TAS1R1: variants seen among roughly 807,000 people sequenced by gnomAD.
The protein encoded by TAS1R1 is taste 1 receptor member 1.
In TAS1R1, 31 loss-of-function variants were observed where a neutral mutation model predicts 45.8. The observed-to-expected ratio is 0.68, with a 90% CI of 0.51 to 0.91. The LOEUF (loss-of-function observed/expected upper bound fraction) is 0.91, where lower values mean the gene tolerates loss of function less well. Ranked by LOEUF, TAS1R1 falls within the 40% of genes least tolerant of loss-of-function variation. The pLI is 0.00. For missense variants in TAS1R1, 1,051 were observed against 1,063.9 expected (o/e 0.99, Z 0.17); for synonymous variants, 437 against 448.4 (o/e 0.97, Z 0.32).
rs111424878 is a variant in TAS1R1, at chr1:6,574,269, G to A, written c.499-362G>A. Among the ~76,000 whole-genome samples, 521 of 152,282 alleles carry A rather than the reference G, an allele frequency of 3.4e-3. 3 individuals are homozygous for A. The highest frequency in any genetic ancestry group is 0.012 in the African/African-American group (494 of 41,550). On this transcript the variant is annotated intron_variant, in intron 2 of 5. Coordinates refer to ENST00000333172, the MANE Select transcript of TAS1R1 (RefSeq NM_138697.4). This position sits in a 1 kb window ranked among gnomAD's most constrained non-coding sequence, Gnocchi z 4.3. The stretch of plus-strand genomic sequence containing the variant: ...CTGCTCACCTCCTCCTGTGAGGCCC[G>A]GTTCCTAACAGGCCACTGACCTAAC...
At chr1:6,568,466 A>G (rs911546539) in intron 1 of TAS1R1, among the ~76,000 whole-genome samples, 26 of 151,666 alleles carry the variant, frequency 1.7e-4, no homozygotes, top group African/African-American at 6.3e-4. Context: ...AAAAAGAAAA[A>G]AAAAAAAAAA....
At chr1:6,571,254 G>A in intron 2 of TAS1R1, 39 bp downstream of exon 2, 1 of 1,524,122 alleles carries the variant, frequency 6.6e-7, no homozygotes, top group Non-Finnish European at 8.8e-7. Context: ...TCTCCCTTCA[G>A]GCAAGTCTGG....
At position 6,576,859 on chromosome 1, in the gene TAS1R1, G is replaced by C. The variant is rs114284871; in HGVS notation, c.1474-91G>C. 1.9e-3 allele frequency: 3,032 copies of C among 1,595,122 alleles called. 52 individuals are homozygous for C. The East Asian group carries it at 0.021, about 11-fold the overall frequency. ...GCCCTGCCCTGGGAGTGAGCCCTGA[G>C]GGCAGATGCACAGAGATTCTGTTTT... On this transcript the variant is annotated intron_variant, in intron 4 of 5. Transcript: ENST00000333172.
At chr1:6,570,805 A>T in intron 1 of TAS1R1, 104 bp from the exon 2 acceptor site, 1 of 1,035,344 alleles carries the variant, frequency 9.7e-7, no homozygotes, top group South Asian at 1.6e-5. Context: ...TGGACCGATG[A>T]CCTCAAAGGT....
chr1:6,579,714 C>T lies in TAS1R1; in HGVS notation c.*130C>T. 2 of 1,282,846 alleles carry T rather than the reference C, an allele frequency of 1.6e-6. No homozygotes were observed. The highest frequency in any genetic ancestry group is 1.5e-5 in the South Asian group (1 of 66,252). The allele number at this position is 1,282,846 out of a possible 1,614,324, so 79.5% of individuals were successfully genotyped here. On this transcript the variant is annotated 3_prime_UTR_variant, in exon 6 of 6. Transcript: ENST00000333172. The stretch of plus-strand genomic sequence containing the variant: ...TGGGACGTGTAAGCGCCTGGGAGAG[C>T]CTAGACCAGGCTCCGGGCTGCCAAT...
At chr1:6,572,187 G>A (rs1208031702) in intron 2 of TAS1R1, among the ~76,000 whole-genome samples, 3 of 151,584 alleles carry the variant, frequency 2.0e-5, no homozygotes, top group Non-Finnish European at 4.4e-5. Flanking sequence ...CACCACTCTT[G>A]CTTTCGCTGT....
intron 1 of TAS1R1, among the ~76,000 whole-genome samples, chr1:6,556,498 T>G (rs1639687334): frequency 6.6e-6 from 1 of 152,072 alleles, no homozygotes; most frequent in African/African-American, 2.4e-5. Flanking sequence ...CCTCCTGGGC[T>G]CAAGTGATTC....
At position 6,575,310 on chromosome 1, in the gene TAS1R1, T is replaced by C; in HGVS notation, c.1178T>C (p.Val393Ala). The change falls in exon 3 of 6, where the codon GTG (valine) becomes GCG (alanine). Residue 393 changes from valine (V) to alanine (A), a missense_variant. Coordinates refer to ENST00000333172, the MANE Select transcript of TAS1R1 (RefSeq NM_138697.4). ...TCTGCCTACAACGCATACCGGGCTGTGTATGCGGTGGCCCATGGCCTCCAC... is the reference window on the plus strand; with the variant it reads ...TCTGCCTACAACGCATACCGGGCTGCGTATGCGGTGGCCCATGGCCTCCAC... ...MSSAYNAYRA[V>A]YAVAHGLHQL... is the part of the protein sequence containing the mutation. 1 of 1,612,730 alleles carries C rather than the reference T, an allele frequency of 6.2e-7. No individual in the cohort carries two copies. Among genetic ancestry groups the C allele is most frequent in the Non-Finnish European group, 8.5e-7 (1 of 1,179,866 alleles).
chr1:6,565,205 T>C (rs745503668), intron 1 of TAS1R1, among the ~76,000 whole-genome samples: 19 of 152,100 alleles, frequency 1.2e-4, no homozygotes, highest in Non-Finnish European at 2.5e-4. Context: ...CAATTAGAGA[T>C]GCAGGGTTAA....
At chr1:6,556,187 A>G (rs1324438584) in intron 1 of TAS1R1, among the ~76,000 whole-genome samples, 1 of 151,852 alleles carries the variant, frequency 6.6e-6, no homozygotes, top group African/African-American at 2.4e-5. Flanking sequence ...TCCCTCTTCT[A>G]TCTTCTCTCC....
intron 1 of TAS1R1, among the ~76,000 whole-genome samples, chr1:6,560,389 A>G (rs968511470): frequency 1.3e-5 from 2 of 152,242 alleles, no homozygotes; most frequent in Admixed American, 1.3e-4. Context: ...CAGAGGAGGC[A>G]ACAGCCCAGG....
Position 6,574,743 on chromosome 1 carries a change from A to C in TAS1R1, c.611A>C (p.Gln204Pro). The C allele has an allele frequency of 6.2e-7, 1 of 1,614,272 alleles. No homozygotes were observed. The highest frequency in any genetic ancestry group is 8.5e-7 in the Non-Finnish European group (1 of 1,180,044). ...GTGGAGACCATGGTGCTGCTGCTGCAGAAGTTCGGGTGGACCTGGATCTCT... is the reference window on the plus strand; with the variant it reads ...GTGGAGACCATGGTGCTGCTGCTGCCGAAGTTCGGGTGGACCTGGATCTCT... ...YQVETMVLLLQKFGWTWISLV... is the reference protein window; with the variant it reads ...YQVETMVLLLPKFGWTWISLV... Residue 204 changes from glutamine (Q) to proline (P), a missense_variant, in exon 3 of 6, where the codon CAG becomes CCG. Gln to Pro is a moderately conservative substitution (Grantham distance 76). Transcript: ENST00000333172. The surrounding 1 kb of genome is among the most constrained non-coding windows in gnomAD (Gnocchi z 4.3).
intron 5 of TAS1R1, among the ~76,000 whole-genome samples, chr1:6,577,864 A>G (rs962881327): frequency 6.6e-6 from 1 of 152,134 alleles, no homozygotes; most frequent in African/African-American, 2.4e-5. Flanking sequence ...TAGCCAACTG[A>G]AAGCCTTAGA....
At chr1:6,561,803 G>A (rs1570107485) in intron 1 of TAS1R1, among the ~76,000 whole-genome samples, 1 of 152,052 alleles carries the variant, frequency 6.6e-6, no homozygotes, top group Non-Finnish European at 1.5e-5. Context: ...TTGAGAGACC[G>A]TGATAGTAGG....
rs776577233 is a variant in TAS1R1 at position 6,575,108 on chromosome 1, A to AT, written c.977dup (p.Gln327ProfsTer12). 62 of 1,586,020 alleles carry AT rather than the reference A, an allele frequency of 3.9e-5. No individual in the cohort carries two copies. The East Asian group carries it at 1.3e-3, about 34-fold the overall frequency. ...CATTGGGATGGTGCTGGGCGTGGCCATCCAGAAGAGGGCTGTCCCTGGCCT... is the reference window on the plus strand; with the variant it reads ...CATTGGGATGGTGCTGGGCGTGGCCATTCCAGAAGAGGGCTGTCCCTGGCCT... On this transcript the variant is annotated frameshift_variant, in exon 3 of 6. Coordinates refer to ENST00000333172, the MANE Select transcript of TAS1R1 (RefSeq NM_138697.4). LOFTEE classifies it high-confidence loss of function.
chr1:6,575,012 G>A lies in TAS1R1; in HGVS notation c.880G>A (p.Gly294Ser), dbSNP rs767066953. 6.3e-7 allele frequency: 1 copy of A among 1,589,038 alleles called. No individual in the cohort carries two copies. Among genetic ancestry groups the A allele is most frequent in the Admixed American group, 1.7e-5 (1 of 58,456 alleles). The change falls in exon 3 of 6, where the codon GGC becomes AGC. Residue 294 changes from glycine (G) to serine (S), a missense_variant. Transcript: ENST00000333172. The stretch of plus-strand genomic sequence containing the variant: ...GTCCGTGGTGCTGACCAACCTGACT[G>A]GCAAGGTGTGGGTCGCCTCAGAAGC... The part of the protein sequence containing the change: ...FESVVLTNLT[G>S]KVWVASEAWA...
chr1:6,577,685 G>A (rs771739841), intron 5 of TAS1R1, among the ~76,000 whole-genome samples: 9 of 151,722 alleles, frequency 5.9e-5, no homozygotes, highest in African/African-American at 1.5e-4. Flanking sequence ...AAAGTTAGCC[G>A]GGCGTTGTGG....
intron 1 of TAS1R1, among the ~76,000 whole-genome samples, chr1:6,568,913 A>G (rs1455094146): frequency 1.3e-5 from 2 of 152,214 alleles, no homozygotes; most frequent in African/African-American, 4.8e-5. Context: ...TATCGGGATC[A>G]GATGAGAAGG....
At chr1:6,558,725 A>T (rs10157142) in intron 1 of TAS1R1, among the ~76,000 whole-genome samples, 122,975 of 151,284 alleles carry the variant, frequency 0.81, 50,797 homozygotes, top group Non-Finnish European at 0.88. Flanking sequence ...TCTAAAAAAA[A>T]ATATATATAT....
Sources: gnomAD v4.1 joint callset for allele counts (sites outside exome capture counted in the v4.1 genomes callset) on GRCh38, gnomAD v4.1.1 for gene constraint, Gnocchi (gnomAD v3.1) non-coding constraint, MANE v1.5 for transcripts, NCBI Gene and HGNC (gene_info 2026-07-23, HGNC 2026-07-21) for gene names.